Variants in PDIA3 observed in about 807,000 individuals in gnomAD.
The protein encoded by PDIA3 is protein disulfide isomerase family A member 3, also known as protein disulfide-isomerase A3.
In PDIA3, 16 loss-of-function variants were observed where a neutral mutation model predicts 56.9. The ratio of observed to expected loss-of-function variants is 0.28; its 90% confidence interval spans 0.19 to 0.43. The LOEUF (loss-of-function observed/expected upper bound fraction) is 0.43. Ranked by LOEUF, PDIA3 falls within the 20% of genes least tolerant of loss-of-function variation. The pLI is 1.00. For synonymous variants in PDIA3, 192 were observed against 216.5 expected, an observed-to-expected ratio of 0.89 and a Z score of 0.99; for missense variants, 485 against 621.3, an observed-to-expected ratio of 0.78 and a Z score of 2.33.
intron 3 of PDIA3, among the ~76,000 whole-genome samples, chr15:43,759,440 GTT>G (rs893082602): frequency 2.1e-5 from 3 of 146,228 alleles, no homozygotes; most frequent in Admixed American, 6.8e-5. Flanking sequence ...AACAAAACTT[GTT>G]TTTTTTTTTC....
intron 1 of PDIA3, chr15:43,751,591 C>G (rs2086744445): frequency 7.7e-7 from 1 of 1,303,820 alleles, no homozygotes; most frequent in Non-Finnish European, 1.0e-6. Context: ...GAGTTCCATT[C>G]CTGCTGGATT....
At chr15:43,759,416 G>A (rs1216441240) in intron 3 of PDIA3, among the ~76,000 whole-genome samples, 1 of 151,990 alleles carries the variant, frequency 6.6e-6, no homozygotes, top group African/African-American at 2.4e-5. Flanking sequence ...TGACTTTTAA[G>A]TGAAACAACC....
At position 43,761,437 on chromosome 15, in the gene PDIA3, C is replaced by T. The variant is rs1398402619; in HGVS notation, c.378C>T (p.Ser126=). 2.5e-6 allele frequency: 4 copies of T among 1,579,388 alleles called. No homozygotes were observed. Among genetic ancestry groups the T allele is most frequent in the East Asian group, 2.2e-5 (1 of 44,604 alleles). The change falls in exon 4 of 13, where the codon AGC becomes AGT. Residue 126 remains serine, a synonymous_variant. Coordinates refer to ENST00000300289, the MANE Select transcript of PDIA3 (RefSeq NM_005313.5). ...TTGACTTCTAAGATGGAATTGTCAG[C>T]CACTTGAAGAAGCAGGCAGGACCAG... The part of the protein sequence containing the change: ...DGPRTADGIV[S]HLKKQAGPAS...
intron 1 of PDIA3, 66 bp from the exon 2 acceptor site, chr15:43,753,758 A>T: frequency 8.9e-7 from 1 of 1,126,658 alleles, no homozygotes; most frequent in Non-Finnish European, 1.3e-6. Context: ...GATTCTTCCT[A>T]GTGAGACAAC....
At chr15:43,748,309 T>G (rs1405285313) in intron 1 of PDIA3, among the ~76,000 whole-genome samples, 1 of 151,230 alleles carries the variant, frequency 6.6e-6, no homozygotes, top group Non-Finnish European at 1.5e-5. Context: ...GAAACCCCCG[T>G]CTCTACTAAA....
At chr15:43,761,022 A>G (rs1596022363) in intron 3 of PDIA3, among the ~76,000 whole-genome samples, 1 of 150,806 alleles carries the variant, frequency 6.6e-6, no homozygotes, top group East Asian at 2.0e-4. Context: ...GGTGGATCAA[A>G]GGTCAGGAGA....
At chr15:43,760,312 C>A (rs2086806130) in intron 3 of PDIA3, among the ~76,000 whole-genome samples, 1 of 151,316 alleles carries the variant, frequency 6.6e-6, no homozygotes, top group Non-Finnish European at 1.5e-5. Flanking sequence ...GTCTGATTGA[C>A]CCTGGGAGGT....
In PDIA3 at chr15:43,761,489, G is replaced by T; in HGVS notation, c.430G>T (p.Glu144Ter). Residue 144 changes from glutamate to a stop codon, truncating the protein, a stop_gained, in exon 4 of 13, where the codon GAA becomes TAA. Transcript: ENST00000300289. LOFTEE classifies it high-confidence loss of function. The part of the protein sequence containing the change: ...PASVPLRTEE[E>*]FKKFISDKDA... The stretch of plus-strand genomic sequence containing the variant: ...TTCAGTGCCTCTCAGGACTGAGGAA[G>T]AATTTAAGAAATTCATTAGTGATAA... 1.3e-6 allele frequency: 2 copies of T among 1,599,180 alleles called. No homozygotes were observed. The highest frequency in any genetic ancestry group is 1.7e-6 in the Non-Finnish European group (2 of 1,168,452).
chr15:43,753,792 C>G, intron 1 of PDIA3, 32 bp from the exon 2 acceptor site: 1 of 1,447,008 alleles, frequency 6.9e-7, no homozygotes, highest in Non-Finnish European at 9.7e-7. Flanking sequence ...TAGGACTAAA[C>G]TGAGAATTTG....
At chr15:43,770,361 A>G in intron 11 of PDIA3, 32 bp downstream of exon 11, 1 of 1,554,488 alleles carries the variant, frequency 6.4e-7, no homozygotes, top group Non-Finnish European at 8.9e-7. Flanking sequence ...AAAAGTGTCT[A>G]GGCAATAGAT....
At chr15:43,755,686 G>T (rs1384722280) in intron 2 of PDIA3, among the ~76,000 whole-genome samples, 2 of 152,152 alleles carry the variant, frequency 1.3e-5, no homozygotes, top group Non-Finnish European at 2.9e-5. Flanking sequence ...GGCCAAGGCG[G>T]GTGGATCTCC....
intron 5 of PDIA3, among the ~76,000 whole-genome samples, chr15:43,763,788 G>C (rs1020899844): frequency 6.6e-6 from 1 of 151,398 alleles, no homozygotes; most frequent in Non-Finnish European, 1.5e-5. Flanking sequence ...GGGTAGGGGG[G>C]TAATATCAGA....
rs757380536 is a variant in PDIA3, at chr15:43,768,490, C to T, written c.1030C>T (p.Arg344Cys). ...EKFVMQEEFS[R>C]DGKALERFLQ... Reference sequence around the variant, plus strand: ...CTTACCCTTGTTTTCCAATTGTAGGCGTGATGGGAAGGCTCTGGAGAGGTT... The same window carrying T: ...CTTACCCTTGTTTTCCAATTGTAGGTGTGATGGGAAGGCTCTGGAGAGGTT... The change falls in exon 9 of 13, where the codon CGT becomes TGT. Residue 344 changes from arginine (R) to cysteine (C), a missense_variant and splice_region_variant. Transcript: ENST00000300289. The T allele has an allele frequency of 2.5e-5, 41 of 1,607,872 alleles. No individual in the cohort carries two copies. The highest frequency in any genetic ancestry group is 8.0e-5 in the African/African-American group (6 of 74,738).
intron 1 of PDIA3, 82 bp downstream of exon 1, chr15:43,746,788 A>T: frequency 6.9e-7 from 1 of 1,459,492 alleles, no homozygotes; most frequent in Non-Finnish European, 9.6e-7. Context: ...GGGCCTACGC[A>T]GCGCCGGGGC....
intron 1 of PDIA3, among the ~76,000 whole-genome samples, chr15:43,749,939 C>T (rs1026183215): frequency 6.6e-6 from 1 of 150,964 alleles, no homozygotes; most frequent in African/African-American, 2.4e-5. Context: ...AGTGTGAGAC[C>T]ATCTCAAAAA....
rs1376263153 is a variant in PDIA3 at position 43,771,440 on chromosome 15, T to G, written c.*222T>G. 4.7e-6 allele frequency: 2 copies of G among 423,160 alleles called. No individual in the cohort carries two copies. Among genetic ancestry groups the G allele is most frequent in the Non-Finnish European group, 8.3e-6 (2 of 240,956 alleles). The allele number at this position is 423,160 out of a possible 1,614,324, so 26.2% of individuals were successfully genotyped here. Reference sequence around the variant, plus strand: ...TGTTTGTGGTTTTGGGAAAAATTATTTGTGTTGGGGGAAATGTTGTGGGGG... The same window carrying G: ...TGTTTGTGGTTTTGGGAAAAATTATGTGTGTTGGGGGAAATGTTGTGGGGG... On this transcript the variant is annotated 3_prime_UTR_variant, in exon 13 of 13. Transcript: ENST00000300289.
At chr15:43,752,069 C>T (rs1222616204) in intron 1 of PDIA3, among the ~76,000 whole-genome samples, 2 of 152,258 alleles carry the variant, frequency 1.3e-5, no homozygotes, top group East Asian at 3.9e-4. Context: ...CTATTTTCTC[C>T]CTTTCTGTCA....
intron 9 of PDIA3, 152 bp downstream of exon 9, chr15:43,768,749 A>C: frequency 3.3e-6 from 2 of 606,176 alleles, no homozygotes; most frequent in South Asian, 2.0e-5. Flanking sequence ...TGGCAGGCCA[A>C]GCGGTGGCTC....
chr15:43,768,745 G>A, intron 9 of PDIA3, 148 bp downstream of exon 9: 3 of 608,344 alleles, frequency 4.9e-6, no homozygotes, highest in Non-Finnish European at 8.8e-6. Flanking sequence ...GCATTGGCAG[G>A]CCAAGCGGTG....
Sources: gnomAD v4.1 joint callset for allele counts (sites outside exome capture counted in the v4.1 genomes callset) on GRCh38, gnomAD v4.1.1 for gene constraint, MANE v1.5 for transcripts, NCBI Gene and HGNC (gene_info 2026-07-23, HGNC 2026-07-21) for gene names.